The following FRYL variants were observed in gnomAD, a reference collection of about 807,000 sequenced individuals.
The protein encoded by FRYL is FRY like transcription coactivator, also known as protein furry homolog-like.
A neutral mutation model predicts 351.2 loss-of-function variants in FRYL; 150 were observed. The ratio of observed to expected loss-of-function variants is 0.43; its 90% CI spans 0.37 to 0.49. The LOEUF (loss-of-function observed/expected upper bound fraction) is 0.49, where lower values mean the gene tolerates loss of function less well. Among genes scored for constraint, FRYL ranks in the 20% least tolerant of loss-of-function variants. FRYL has a pLI of 0.00. For missense variants in FRYL, 3,036 were observed against 3,619.3 expected, an observed-to-expected ratio of 0.84 and a Z score of 4.13; for synonymous variants, 1,153 against 1,257.1, an observed-to-expected ratio of 0.92 and a Z score of 1.75.
intron 32 of FRYL, among the ~76,000 whole-genome samples, chr4:48,561,891 C>T (rs993077331): frequency 2.6e-5 from 4 of 152,070 alleles, no homozygotes; most frequent in Admixed American, 2.6e-4. Context: ...TGGTGTGTGC[C>T]TGTGGTCCCA....
At chr4:48,714,208 A>C (rs944447533) in intron 1 of FRYL, among the ~76,000 whole-genome samples, 2 of 152,126 alleles carry the variant, frequency 1.3e-5, no homozygotes, top group Non-Finnish European at 2.9e-5. Context: ...CACAATTAAA[A>C]GAACTAGAAA....
intron 3 of FRYL, among the ~76,000 whole-genome samples, chr4:48,660,134 G>T (rs1401572025): frequency 6.6e-6 from 1 of 151,900 alleles, no homozygotes; most frequent in African/African-American, 2.4e-5. Flanking sequence ...ATAAAACAAT[G>T]TGGTATGTCA....
chr4:48,600,424 C>G (rs889681223), intron 13 of FRYL, among the ~76,000 whole-genome samples: 2 of 152,102 alleles, frequency 1.3e-5, no homozygotes, highest in African/African-American at 4.8e-5. Flanking sequence ...AATACTCATG[C>G]TAAGTGGCTC....
chr4:48,607,203 A>G (rs1225987576), intron 9 of FRYL, among the ~76,000 whole-genome samples: 1 of 152,182 alleles, frequency 6.6e-6, no homozygotes, highest in Non-Finnish European at 1.5e-5. Flanking sequence ...TTATTAATCA[A>G]TTATACTTAA....
At chr4:48,667,405 C>T (rs1048247359) in intron 3 of FRYL, among the ~76,000 whole-genome samples, 1 of 151,480 alleles carries the variant, frequency 6.6e-6, no homozygotes, top group Non-Finnish European at 1.5e-5. Flanking sequence ...CAAAAACAGT[C>T]ACACAGAATC....
intron 3 of FRYL, among the ~76,000 whole-genome samples, chr4:48,682,770 A>G (rs1307153186): frequency 6.6e-6 from 1 of 152,196 alleles, no homozygotes; most frequent in Admixed American, 6.5e-5. Flanking sequence ...AGGAAACAAC[A>G]GATGTTGGAG....
At chr4:48,700,760 C>T (rs1312005152) in intron 2 of FRYL, among the ~76,000 whole-genome samples, 2 of 151,684 alleles carry the variant, frequency 1.3e-5, no homozygotes, top group Admixed American at 6.6e-5. Flanking sequence ...TATGATTGCA[C>T]CACTGCACTT....
chr4:48,580,452 T>C (rs1472409157), intron 22 of FRYL: 3 of 172,970 alleles, frequency 1.7e-5, no homozygotes, highest in Non-Finnish European at 3.7e-5. Context: ...ACTTATGTGA[T>C]ACACAAAAAA....
chr4:48,534,301 T>C (rs1007108643), intron 49 of FRYL, among the ~76,000 whole-genome samples: 1 of 152,210 alleles, frequency 6.6e-6, no homozygotes, highest in African/African-American at 2.4e-5. Flanking sequence ...TGTATATGCA[T>C]TCCTTCCTGT....
At chr4:48,666,954 CTA>C (rs928429834) in intron 3 of FRYL, among the ~76,000 whole-genome samples, 14 of 152,080 alleles carry the variant, frequency 9.2e-5, no homozygotes, top group Admixed American at 3.9e-4. Flanking sequence ...TTTGTAATAA[CTA>C]AAATTATTTT....
chr4:48,632,456 G>C (rs1184786709), intron 4 of FRYL, among the ~76,000 whole-genome samples: 2 of 150,594 alleles, frequency 1.3e-5, no homozygotes, highest in Non-Finnish European at 3.0e-5. Flanking sequence ...ACATTTTGTA[G>C]TTTAAGCATA....
chr4:48,663,094 T>C (rs1199601103), intron 3 of FRYL, among the ~76,000 whole-genome samples: 1 of 152,060 alleles, frequency 6.6e-6, no homozygotes, highest in African/African-American at 2.4e-5. Flanking sequence ...TCATTTTAAA[T>C]GTCCTTTCAA....
chr4:48,654,042 C>T (rs768352909), intron 3 of FRYL: 12 of 587,766 alleles, frequency 2.0e-5, no homozygotes, highest in Non-Finnish European at 2.9e-5. Flanking sequence ...TTATAAGTGC[C>T]CAGAAGGACA....
intron 50 of FRYL, among the ~76,000 whole-genome samples, chr4:48,530,587 C>T (rs775553046): frequency 1.2e-4 from 19 of 152,112 alleles, no homozygotes; most frequent in Non-Finnish European, 2.4e-4. Flanking sequence ...CCTTCCTATG[C>T]CTTCAGCCTC....
At chr4:48,663,699 C>T (rs1285152699) in intron 3 of FRYL, among the ~76,000 whole-genome samples, 4 of 137,316 alleles carry the variant, frequency 2.9e-5, no homozygotes, top group African/African-American at 1.1e-4. Context: ...GGCGTGAACC[C>T]GGGAGGCGGA....
chr4:48,595,024 G>A (rs551331991), intron 15 of FRYL, among the ~76,000 whole-genome samples: 16 of 152,334 alleles, frequency 1.1e-4, no homozygotes, highest in African/African-American at 3.6e-4. Flanking sequence ...ACTGGGATAT[G>A]TAAAGAGGAG....
At chr4:48,680,938 T>G (rs925630226) in intron 3 of FRYL, 20 of 1,222,704 alleles carry the variant, frequency 1.6e-5, no homozygotes, top group Non-Finnish European at 2.0e-5. Context: ...ACCTAGTTGT[T>G]GGTGTTCGTA....
chr4:48,554,907 A>G (rs1733750156), intron 35 of FRYL, among the ~76,000 whole-genome samples: 1 of 152,114 alleles, frequency 6.6e-6, no homozygotes, highest in Admixed American at 6.5e-5. Context: ...TCACCATCAG[A>G]TCTGGGTTGG....
chr4:48,520,211 T>C (rs1413372849), intron 55 of FRYL, among the ~76,000 whole-genome samples: 1 of 152,188 alleles, frequency 6.6e-6, no homozygotes, highest in African/African-American at 2.4e-5. Flanking sequence ...CATATGAGTA[T>C]GAGCATTTTA....
Sources: gnomAD v4.1 joint callset for allele counts (sites outside exome capture counted in the v4.1 genomes callset) on GRCh38, gnomAD v4.1.1 for gene constraint, MANE v1.5 for transcripts, NCBI Gene and HGNC (gene_info 2026-07-23, HGNC 2026-07-21) for gene names.